The following FAM184A variants were observed in gnomAD, a reference collection of about 807,000 sequenced individuals.
FAM184A encodes family with sequence similarity 184 member A.
Under a neutral mutation model 143.8 loss-of-function variants are expected in FAM184A, and 99 were observed. That is an observed-to-expected ratio of 0.69 (90% CI 0.58 to 0.81). The LOEUF is 0.81. Ranked by LOEUF, FAM184A falls within the 40% of genes least tolerant of loss-of-function variation. FAM184A has a pLI of 0.00. For missense variants in FAM184A, 1,217 were observed against 1,310.5 expected (o/e 0.93, Z 1.10); for synonymous variants, 427 against 446.4 (o/e 0.96, Z 0.55).
intron 1 of FAM184A, among the ~76,000 whole-genome samples, chr6:119,109,476 C>G (rs1788873698): frequency 1.3e-5 from 2 of 152,174 alleles, no homozygotes; most frequent in Non-Finnish European, 2.9e-5. Context: ...TTCTCTCTCT[C>G]TCTGTCTGTC....
intron 1 of FAM184A, among the ~76,000 whole-genome samples, chr6:119,112,695 A>T (rs622521): frequency 0.044 from 6,715 of 152,250 alleles, 505 homozygotes; most frequent in African/African-American, 0.15. Context: ...GAGAAATTGA[A>T]TTTTATTCTT....
chr6:119,081,208 C>T (rs1788052531), upstream of FAM184A, among the ~76,000 whole-genome samples: 4 of 152,272 alleles, frequency 2.6e-5, no homozygotes, highest in South Asian at 6.2e-4. Flanking sequence ...GAAAGAGAGA[C>T]AGGAACTACC....
At chr6:119,049,471 C>T (rs1786664253) in intron 1 of FAM184A, among the ~76,000 whole-genome samples, 2 of 151,888 alleles carry the variant, frequency 1.3e-5, no homozygotes, top group African/African-American at 4.8e-5. Flanking sequence ...AAAAACAAAA[C>T]AAAACAAAAC....
chr6:119,035,891 T>C (rs59573939), intron 1 of FAM184A, among the ~76,000 whole-genome samples: 5,922 of 152,200 alleles, frequency 0.039, 252 homozygotes, highest in African/African-American at 0.11. Context: ...CTAAAATGTA[T>C]AAAACCAAGC....
intron 1 of FAM184A, among the ~76,000 whole-genome samples, chr6:119,089,025 CAT>C (rs927147240): frequency 2.6e-5 from 4 of 151,622 alleles, no homozygotes; most frequent in African/African-American, 7.3e-5. Flanking sequence ...ATATCTCTCT[CAT>C]GTTACATGTT....
At chr6:119,113,764 A>C (rs1232032963) in intron 1 of FAM184A, among the ~76,000 whole-genome samples, 3 of 151,610 alleles carry the variant, frequency 2.0e-5, no homozygotes, top group African/African-American at 7.3e-5. Flanking sequence ...ACATGGTGAG[A>C]CCCCCTGTCT....
intron 1 of FAM184A, among the ~76,000 whole-genome samples, chr6:119,097,647 C>T (rs982119158): frequency 2.6e-5 from 4 of 152,108 alleles, no homozygotes; most frequent in South Asian, 2.1e-4. Flanking sequence ...AGGTTTTGTC[C>T]TTTTGTCTTT....
Position 118,975,065 on chromosome 6 carries a change from T to C in FAM184A, c.2727A>G (p.Lys909=). 1 of 1,613,438 alleles carries C rather than the reference T, an allele frequency of 6.2e-7. No homozygotes were observed. Among genetic ancestry groups the C allele is most frequent in the African/African-American group, 1.3e-5 (1 of 75,026 alleles). Residue 909 remains lysine (K), a synonymous_variant, in exon 13 of 18, where the codon AAA becomes AAG. Coordinates refer to ENST00000338891, the MANE Select transcript of FAM184A (RefSeq NM_024581.6). ...ATTCACTTCGTATTCTGAGAATTTC[T>C]TTCCCCTTAAATTCCAGTTCTTTGG... is the stretch of plus-strand genomic sequence containing the variant. ...ALTKELEFKG[K]EILRIRSESN... is the part of the protein sequence containing the mutation.
At chr6:118,966,714 C>A in intron 15 of FAM184A, 121 bp downstream of exon 15, 1 of 458,850 alleles carries the variant, frequency 2.2e-6, no homozygotes, top group Non-Finnish European at 3.9e-6. Flanking sequence ...CTTTCAATCA[C>A]AATGCACATG....
rs1186802795 is a variant in FAM184A at position 119,078,399 on chromosome 6, C to G, written c.-100G>C. The G allele has an allele frequency of 8.3e-7, 1 of 1,203,200 alleles. No individual in the cohort carries two copies. Among genetic ancestry groups the G allele is most frequent in the Admixed American group, 3.9e-5 (1 of 25,864 alleles). The allele number at this position is 1,203,200 out of a possible 1,614,324, so 74.5% of individuals were successfully genotyped here. A position where few individuals can be genotyped will look rare whatever the true frequency, so the allele number is the denominator to read the frequency against. On this transcript the variant is annotated 5_prime_UTR_variant, in exon 1 of 18. Transcript: ENST00000338891. This position sits in a 1 kb window ranked among gnomAD's most constrained non-coding sequence, Gnocchi z 5.5. Reference sequence around the variant, plus strand: ...GGCAAGAGTCGCGGCGGCCGCTTCCCGACCCGACACCCGGCGCCCCCCAGA... The same window carrying G: ...GGCAAGAGTCGCGGCGGCCGCTTCCGGACCCGACACCCGGCGCCCCCCAGA...
At chr6:119,075,547 T>A (rs184873425) in intron 1 of FAM184A, among the ~76,000 whole-genome samples, 51 of 152,330 alleles carry the variant, frequency 3.3e-4, no homozygotes, top group African/African-American at 1.2e-3. Flanking sequence ...GTTCCCACAC[T>A]GCTCTTAAGT....
chr6:119,085,209 G>A (rs4946392), intron 1 of FAM184A, among the ~76,000 whole-genome samples: 72,249 of 152,048 alleles, frequency 0.48, 18,513 homozygotes, highest in African/African-American at 0.66. Flanking sequence ...CCTTTTAAAT[G>A]TAAGTTCCAG....
Position 119,087,127 on chromosome 6 carries a change from A to G in FAM184A, c.-202+61951T>C, listed in dbSNP as rs144163485. Among the ~76,000 whole-genome samples, 805 of 152,320 alleles carry G rather than the reference A, an allele frequency of 5.3e-3. 2 individuals are homozygous for G. Among genetic ancestry groups the G allele is most frequent in the Non-Finnish European group, 6.0e-3 (408 of 68,026 alleles). On this transcript the variant is annotated intron_variant, in intron 1 of 16. Coordinates refer to the FAM184A transcript ENST00000352896. ...GTATGTTTCAGGCCCCAGAAAACCT[A>G]GATTAACCCCAGGCAGTAGCAGTTA...
At chr6:119,098,255 A>G (rs142257197) in intron 1 of FAM184A, among the ~76,000 whole-genome samples, 49 of 152,238 alleles carry the variant, frequency 3.2e-4, no homozygotes, top group African/African-American at 1.2e-3. Flanking sequence ...TTCGCCTTCC[A>G]CCATGATTGT....
intron 1 of FAM184A, among the ~76,000 whole-genome samples, chr6:119,038,315 G>C (rs1051739522): frequency 6.6e-6 from 1 of 152,184 alleles, no homozygotes; most frequent in African/African-American, 2.4e-5. Context: ...TCTTAAATAG[G>C]AGCTGAGTAA....
At chr6:119,089,060 A>C (rs1203660482) in intron 1 of FAM184A, among the ~76,000 whole-genome samples, 1 of 151,402 alleles carries the variant, frequency 6.6e-6, no homozygotes, top group Non-Finnish European at 1.5e-5. Context: ...ATTTTCTATT[A>C]TTTATTTATT....
In FAM184A at chr6:119,023,999, T is replaced by G. The variant is rs1421018609; in HGVS notation, c.974A>C (p.Lys325Thr). Reference protein sequence around the residue: ...EAGSLLDKCQKLQTALAIAEN... With the variant: ...EAGSLLDKCQTLQTALAIAEN... ...TGCTATGGCAAGTGCCGTCTGAAGC[T>G]TTTGGCATTTGTCAAGAAGACTTCC... The change falls in exon 2 of 18, where the codon AAG becomes ACG. Residue 325 changes from lysine to threonine, a missense_variant. By Grantham distance (78) the Lys-to-Thr change is moderately conservative. Transcript: ENST00000338891. 6.2e-7 allele frequency: 1 copy of G among 1,607,516 alleles called. No individual in the cohort carries two copies. The highest frequency in any genetic ancestry group is 1.3e-5 in the African/African-American group (1 of 74,216).
chr6:119,028,666 A>T (rs1785756492), intron 1 of FAM184A, among the ~76,000 whole-genome samples: 1 of 152,096 alleles, frequency 6.6e-6, no homozygotes, highest in Admixed American at 6.6e-5. Flanking sequence ...TCTTCCCTCT[A>T]ACTAACTTCT....
intron 7 of FAM184A, among the ~76,000 whole-genome samples, chr6:119,004,957 A>G (rs1784877133): frequency 6.6e-6 from 1 of 152,328 alleles, no homozygotes; most frequent in Non-Finnish European, 1.5e-5. Flanking sequence ...CAGAACTTCC[A>G]TGATACCATA....
Sources: allele counts gnomAD v4.1 joint callset (sites outside exome capture counted in the v4.1 genomes callset), GRCh38; gene constraint gnomAD v4.1.1; non-coding constraint Gnocchi (gnomAD v3.1); transcripts MANE v1.5; gene names NCBI Gene and HGNC (gene_info 2026-07-23, HGNC 2026-07-21).